The following CNNM4 variants were observed in gnomAD, a reference collection of about 807,000 sequenced individuals.
CNNM4 encodes the protein metal transporter CNNM4.
In CNNM4, 32 loss-of-function variants were observed where a neutral mutation model predicts 53.7. That is an observed-to-expected ratio of 0.60 (90% CI 0.45 to 0.80). The LOEUF is 0.80. CNNM4 is among the 30% of genes least tolerant of loss of function. The probability of loss-of-function intolerance (pLI) is 0.00; values close to 1 mark genes in which losing one functional copy is unlikely to be tolerated. For missense variants in CNNM4, 784 were observed against 1,022.0 expected (o/e 0.77, Z 3.17); for synonymous variants, 410 against 440.0 (o/e 0.93, Z 0.85).
rs1038351957 is a variant in CNNM4 at position 96,811,590 on chromosome 2, C to T, written c.*2073C>T. ...CCCTTCCTATTTCAACCTCTGGTTC[C>T]TGGGATGAGCCATACCCTGGAACTG... is the stretch of plus-strand genomic sequence containing the variant. On this transcript the variant is annotated 3_prime_UTR_variant, in exon 7 of 7. Transcript: ENST00000377075. 3.3e-5 allele frequency: 5 copies of T among 152,704 alleles called. No individual in the cohort carries two copies. The South Asian group carries it at 6.2e-4, about 19-fold the overall frequency. 9.5% of individuals were successfully genotyped at this position (152,704 alleles called of 1,614,324 possible). A position where few individuals can be genotyped will look rare whatever the true frequency, so the allele number is the denominator to read the frequency against.
intron 5 of CNNM4, among the ~76,000 whole-genome samples, chr2:96,802,380 C>T (rs1218361835): frequency 6.6e-6 from 1 of 152,252 alleles, no homozygotes; most frequent in Non-Finnish European, 1.5e-5. Context: ...ACTTCCTGCT[C>T]CAGGCCACCC....
chr2:96,808,539 A>T lies in CNNM4; in HGVS notation c.1949-22A>T, dbSNP rs374278386. Reference sequence around the variant, plus strand: ...GGGCATCGGAGTGGCCTTTGGCATGACAACCTCTGCTCTCCCTGCAGACCG... The same window carrying T: ...GGGCATCGGAGTGGCCTTTGGCATGTCAACCTCTGCTCTCCCTGCAGACCG... On this transcript the variant is annotated intron_variant, in intron 5 of 6. Coordinates refer to ENST00000377075, the MANE Select transcript of CNNM4 (RefSeq NM_020184.4). This position sits in a 1 kb window ranked among gnomAD's most constrained non-coding sequence, Gnocchi z 4.9. 1 of 1,613,658 alleles carries T rather than the reference A, an allele frequency of 6.2e-7. No homozygotes were observed. Among genetic ancestry groups the T allele is most frequent in the African/African-American group, 1.3e-5 (1 of 74,846 alleles).
intron 1 of CNNM4, among the ~76,000 whole-genome samples, chr2:96,779,968 A>G (rs2078959692): frequency 6.6e-6 from 1 of 151,932 alleles, no homozygotes; most frequent in Non-Finnish European, 1.5e-5. Flanking sequence ...ACACCCAGCT[A>G]ATTTTTGTAT....
Position 96,808,801 on chromosome 2 carries a change from A to G in CNNM4, c.2130+59A>G. On this transcript the variant is annotated intron_variant, in intron 6 of 6. Coordinates refer to ENST00000377075, the MANE Select transcript of CNNM4 (RefSeq NM_020184.4). The surrounding 1 kb of genome is among the most constrained non-coding windows in gnomAD (Gnocchi z 4.9). ...ATCTTCTGCTCAGGAATCAGCTACT[A>G]CTTTCATCCACCAAACCCAGCATGG... is the stretch of plus-strand genomic sequence containing the variant. 1.3e-6 allele frequency: 2 copies of G among 1,548,340 alleles called. No homozygotes were observed. The highest frequency in any genetic ancestry group is 1.8e-6 in the Non-Finnish European group (2 of 1,122,218).
Position 96,761,275 on chromosome 2 carries a change from C to T in CNNM4, c.276C>T (p.Ser92=), listed in dbSNP as rs147538789. ...SLGNISSNLI[S]FTEVDDAETL... ...GCAACATCTCCAGCAACCTGATCTC[C>T]TTCACCGAGGTGGACGATGCCGAGA... The change falls in exon 1 of 7, where the codon TCC becomes TCT. Residue 92 remains serine, a synonymous_variant. Coordinates refer to ENST00000377075, the MANE Select transcript of CNNM4 (RefSeq NM_020184.4). The surrounding 1 kb of genome is among the most constrained non-coding windows in gnomAD (Gnocchi z 6.0). The T allele has an allele frequency of 1.3e-5, 21 of 1,613,928 alleles. No individual in the cohort carries two copies. Among genetic ancestry groups the T allele is most frequent in the Non-Finnish European group, 1.1e-5 (13 of 1,180,024 alleles).
At chr2:96,789,539 G>A (rs116656846) in intron 1 of CNNM4, among the ~76,000 whole-genome samples, 2,575 of 152,306 alleles carry the variant, frequency 0.017, 31 homozygotes, top group Non-Finnish European at 0.025. Flanking sequence ...CAAGCATGCC[G>A]CCAGGCAAAG....
rs2079231130 is a variant in CNNM4, at chr2:96,808,810, C to G, written c.2130+68C>G. 2 of 1,522,944 alleles carry G rather than the reference C, an allele frequency of 1.3e-6. No homozygotes were observed. The highest frequency in any genetic ancestry group is 2.7e-5 in the African/African-American group (2 of 73,136). The allele number at this position is 1,522,944 out of a possible 1,614,324, so 94.3% of individuals were successfully genotyped here. On this transcript the variant is annotated intron_variant, in intron 6 of 6. Coordinates refer to ENST00000377075, the MANE Select transcript of CNNM4 (RefSeq NM_020184.4). The surrounding 1 kb of genome is among the most constrained non-coding windows in gnomAD (Gnocchi z 4.9). ...TCAGGAATCAGCTACTACTTTCATC[C>G]ACCAAACCCAGCATGGTGGGCCCAA...
At chr2:96,782,976 C>T (rs1018960100) in intron 1 of CNNM4, among the ~76,000 whole-genome samples, 12 of 151,922 alleles carry the variant, frequency 7.9e-5, no homozygotes, top group African/African-American at 2.7e-4. Context: ...GAGGTCAATG[C>T]GGGAGGATCT....
chr2:96,808,867 G>A lies in CNNM4; in HGVS notation c.2130+125G>A. ...GATGCCTTTTTCTTCTGGAGATGGG[G>A]TCTTGCTCTGTCGCCCAGGCTGGAA... On this transcript the variant is annotated intron_variant, in intron 6 of 6. Coordinates refer to ENST00000377075, the MANE Select transcript of CNNM4 (RefSeq NM_020184.4). This position sits in a 1 kb window ranked among gnomAD's most constrained non-coding sequence, Gnocchi z 4.9. 2 of 947,378 alleles carry A rather than the reference G, an allele frequency of 2.1e-6. No homozygotes were observed. Among genetic ancestry groups the A allele is most frequent in the Non-Finnish European group, 3.3e-6 (2 of 607,336 alleles). The allele number at this position is 947,378 out of a possible 1,614,324, so 58.7% of individuals were successfully genotyped here.
intron 1 of CNNM4, among the ~76,000 whole-genome samples, chr2:96,785,667 G>C (rs1425012997): frequency 2.0e-5 from 3 of 151,446 alleles, no homozygotes; most frequent in Non-Finnish European, 4.4e-5. Flanking sequence ...AGCTGGGCGT[G>C]GTAGCATGTG....
chr2:96,777,921 C>T (rs907009365), intron 1 of CNNM4, among the ~76,000 whole-genome samples: 1 of 150,320 alleles, frequency 6.7e-6, no homozygotes, highest in African/African-American at 2.5e-5. Flanking sequence ...GGCTGGAGCA[C>T]AGTAGTGCGA....
At chr2:96,781,214 C>G (rs948641889) in intron 1 of CNNM4, among the ~76,000 whole-genome samples, 1 of 151,886 alleles carries the variant, frequency 6.6e-6, no homozygotes, top group Non-Finnish European at 1.5e-5. Flanking sequence ...CTCCTGACCT[C>G]GTGATCCACC....
chr2:96,793,538 C>G lies in CNNM4; in HGVS notation c.1403-3474C>G, dbSNP rs559347679. On this transcript the variant is annotated intron_variant, in intron 1 of 6. Transcript: ENST00000377075. ...GCCTGTCATGCAGCTGGCTGCCACC[C>G]GAGGGTGCACACACACAGCAGTGGA... 3.1e-4 allele frequency among the ~76,000 whole-genome samples: 47 copies of G among 152,306 alleles called. No individual in the cohort carries two copies. In the Middle Eastern group the frequency reaches 0.02, roughly 66 times the overall value.
chr2:96,785,805 A>T (rs1050033639), intron 1 of CNNM4, among the ~76,000 whole-genome samples: 1 of 151,870 alleles, frequency 6.6e-6, no homozygotes, highest in African/African-American at 2.4e-5. Flanking sequence ...CCCTGTCTCT[A>T]AAAAAAGATA....
chr2:96,804,349 C>T (rs935212275), intron 5 of CNNM4, among the ~76,000 whole-genome samples: 9 of 151,454 alleles, frequency 5.9e-5, no homozygotes, highest in African/African-American at 2.2e-4. Flanking sequence ...CCTGCCTCAG[C>T]TTCCCGAGTA....
chr2:96,810,848 G>C lies in CNNM4; in HGVS notation c.*1331G>C, dbSNP rs938140317. On this transcript the variant is annotated 3_prime_UTR_variant, in exon 7 of 7. Transcript: ENST00000377075. This position sits in a 1 kb window ranked among gnomAD's most constrained non-coding sequence, Gnocchi z 4.1. Reference sequence around the variant, plus strand: ...TGAAGTTAGTAGTACTGTACTAAGAGCTCTGCCCTCATGTGAATTCCTGCC... The same window carrying C: ...TGAAGTTAGTAGTACTGTACTAAGACCTCTGCCCTCATGTGAATTCCTGCC... 6.6e-6 allele frequency: 1 copy of C among 152,222 alleles called. No individual in the cohort carries two copies. Among genetic ancestry groups the C allele is most frequent in the Admixed American group, 6.6e-5 (1 of 15,262 alleles). 9.4% of individuals were successfully genotyped at this position (152,222 alleles called of 1,614,324 possible).
intron 1 of CNNM4, among the ~76,000 whole-genome samples, chr2:96,781,674 A>G (rs1301140519): frequency 1.3e-5 from 2 of 152,162 alleles, no homozygotes; most frequent in African/African-American, 4.8e-5. Context: ...CAGAGTTTTT[A>G]TCCAGACCTC....
chr2:96,797,791 C>A lies in CNNM4; in HGVS notation c.1681+144C>A. 8.9e-7 allele frequency: 1 copy of A among 1,121,592 alleles called. No individual in the cohort carries two copies. Among genetic ancestry groups the A allele is most frequent in the Non-Finnish European group, 1.3e-6 (1 of 770,212 alleles). The allele number at this position is 1,121,592 out of a possible 1,614,324, so 69.5% of individuals were successfully genotyped here. A position where few individuals can be genotyped will look rare whatever the true frequency, so the allele number is the denominator to read the frequency against. On this transcript the variant is annotated intron_variant, in intron 3 of 6. Transcript: ENST00000377075. The surrounding 1 kb of genome is among the most constrained non-coding windows in gnomAD (Gnocchi z 6.0). ...CAACACAGCCACCCCTGGAAGGGGCCGGGTATCTGCTCCACCCCTGGGGAT... is the reference window on the plus strand; with the variant it reads ...CAACACAGCCACCCCTGGAAGGGGCAGGGTATCTGCTCCACCCCTGGGGAT...
intron 1 of CNNM4, among the ~76,000 whole-genome samples, chr2:96,792,433 CCCTT>C (rs1359124956): frequency 6.6e-6 from 1 of 152,210 alleles, no homozygotes; most frequent in South Asian, 2.1e-4. Context: ...TCTTCGGCCT[CCCTT>C]CCCCTTCCCC....
Sources: allele counts gnomAD v4.1 joint callset (sites outside exome capture counted in the v4.1 genomes callset), GRCh38; gene constraint gnomAD v4.1.1; non-coding constraint Gnocchi (gnomAD v3.1); transcripts MANE v1.5; gene names NCBI Gene and HGNC (gene_info 2026-07-23, HGNC 2026-07-21).